ABCA4: variants seen among roughly 807,000 people sequenced by gnomAD.
ABCA4 encodes the protein retinal-specific phospholipid-transporting ATPase ABCA4.
In ABCA4, 196 loss-of-function variants were observed where a neutral mutation model predicts 263.7. That is an observed-to-expected ratio of 0.74 (90% confidence interval 0.66 to 0.84). The LOEUF (loss-of-function observed/expected upper bound fraction) is 0.84. ABCA4 is among the 40% of genes least tolerant of loss of function. The pLI is 0.00. For missense variants in ABCA4, 2,792 were observed against 2,855.1 expected, an observed-to-expected ratio of 0.98 and a Z score of 0.50; for synonymous variants, 1,133 against 1,094.2, an observed-to-expected ratio of 1.04 and a Z score of -0.70.
At chr1:94,000,510 G>C (rs4147868) in intron 47 of ABCA4, among the ~76,000 whole-genome samples, 19,371 of 152,168 alleles carry the variant, frequency 0.13, 2,068 homozygotes, top group African/African-American at 0.29. Context: ...CACAGGTCCC[G>C]GATCTGTTGA....
rs371455065 is a variant in ABCA4 at position 94,042,917 on chromosome 1, C to T, written c.3191-19G>A. The T allele has an allele frequency of 8.4e-5, 136 of 1,613,946 alleles. No individual in the cohort carries two copies. Among genetic ancestry groups the T allele is most frequent in the Middle Eastern group, 3.3e-4 (2 of 6,084 alleles). Reference sequence around the variant, plus strand: ...ATGCCACCTGGAGGCACAAGAAGGACGGGAGAGTTAAGGGGCTGTGGAGGG... The same window carrying T: ...ATGCCACCTGGAGGCACAAGAAGGATGGGAGAGTTAAGGGGCTGTGGAGGG... On this transcript the variant is annotated intron_variant, in intron 21 of 49. Coordinates refer to ENST00000370225, the MANE Select transcript of ABCA4 (RefSeq NM_000350.3).
chr1:94,005,222 A>T lies in ABCA4; in HGVS notation c.6147+219T>A, dbSNP rs72956573. Among the ~76,000 whole-genome samples the T allele has an allele frequency of 0.097, 14,790 of 152,272 alleles. 1,534 individuals are homozygous for T. The highest frequency in any genetic ancestry group is 0.26 in the African/African-American group (10,853 of 41,506). On this transcript the variant is annotated intron_variant, in intron 44 of 49. Transcript: ENST00000370225. Reference sequence around the variant, plus strand: ...GGATAAATGCATACAACATTTTGTTAGATATGAGAGTGGGGATTTTTTTTT... The same window carrying T: ...GGATAAATGCATACAACATTTTGTTTGATATGAGAGTGGGGATTTTTTTTT...
intron 23 of ABCA4, among the ~76,000 whole-genome samples, chr1:94,040,882 A>T (rs1485882149): frequency 6.6e-6 from 1 of 152,190 alleles, no homozygotes; most frequent in East Asian, 1.9e-4. Flanking sequence ...TGTTGAAATG[A>T]AGCTCAACCA....
chr1:94,007,614 A>C lies in ABCA4; in HGVS notation c.6005+20T>G. On this transcript the variant is annotated intron_variant, in intron 43 of 49. Coordinates refer to ENST00000370225, the MANE Select transcript of ABCA4 (RefSeq NM_000350.3). The stretch of plus-strand genomic sequence containing the variant: ...GGACCTGTGAGAGACTCCCTGAGAC[A>C]GGAGGAGCAGGATACTCACCTCTTG... 3 of 1,590,766 alleles carry C rather than the reference A, an allele frequency of 1.9e-6. No homozygotes were observed. Among genetic ancestry groups the C allele is most frequent in the Non-Finnish European group, 2.6e-6 (3 of 1,158,806 alleles).
intron 16 of ABCA4, 112 bp downstream of exon 16, chr1:94,054,999 A>G (rs757757196): frequency 2.3e-5 from 26 of 1,132,706 alleles, no homozygotes; most frequent in Non-Finnish European, 3.2e-5. Context: ...TAAACTTCAA[A>G]TGCTGGTTCT....
At chr1:94,046,770 A>G (rs1660696305) in intron 19 of ABCA4, 149 bp downstream of exon 19, 4 of 917,214 alleles carry the variant, frequency 4.4e-6, no homozygotes, top group African/African-American at 1.6e-5. Flanking sequence ...TGATCTTTGA[A>G]TACTGCAGAA....
intron 36 of ABCA4, 70 bp downstream of exon 36, chr1:94,019,512 C>A: frequency 6.6e-7 from 1 of 1,511,612 alleles, no homozygotes; most frequent in East Asian, 2.5e-5. Context: ...TTGGTCTGGT[C>A]CTTCAGAGCA....
At chr1:94,024,064 A>G (rs953750492) in intron 31 of ABCA4, among the ~76,000 whole-genome samples, 1 of 152,162 alleles carries the variant, frequency 6.6e-6, no homozygotes, top group Non-Finnish European at 1.5e-5. Flanking sequence ...TTCTGCTTTT[A>G]TTTTGGGGCT....
chr1:94,063,285 A>T lies in ABCA4; in HGVS notation c.1587T>A (p.Asn529Lys). 6.2e-7 allele frequency: 1 copy of T among 1,614,122 alleles called. No individual in the cohort carries two copies. Among genetic ancestry groups the T allele is most frequent in the Non-Finnish European group, 8.5e-7 (1 of 1,180,050 alleles). ...CACGTTGGGTGAGCTGAGTTTCATC[A>T]TTGTAGCTTTCAAACTTATCCAGGA... ...CLVLDKFESY[N>K]DETQLTQRAL... Residue 529 changes from asparagine to lysine, a missense_variant, in exon 12 of 50, where the codon AAT becomes AAA. Transcript: ENST00000370225.
chr1:94,058,461 A>C (rs1346992660), intron 14 of ABCA4, among the ~76,000 whole-genome samples: 1 of 152,222 alleles, frequency 6.6e-6, no homozygotes, highest in African/African-American at 2.4e-5. Flanking sequence ...TCCTGGGTTC[A>C]AGGGATTCTC....
intron 47 of ABCA4, among the ~76,000 whole-genome samples, chr1:93,999,031 A>G (rs1480951114): frequency 2.0e-5 from 3 of 148,592 alleles, no homozygotes; most frequent in Non-Finnish European, 4.4e-5. Context: ...GATTACAGGC[A>G]TGAGCCACCA....
chr1:94,097,722 C>T (rs1461059773), intron 6 of ABCA4, among the ~76,000 whole-genome samples: 1 of 152,106 alleles, frequency 6.6e-6, no homozygotes, highest in African/African-American at 2.4e-5. Flanking sequence ...CTTTTACCAA[C>T]TTCTCTGATG....
chr1:94,004,026 C>A (rs149753560), intron 44 of ABCA4, among the ~76,000 whole-genome samples: 6 of 152,236 alleles, frequency 3.9e-5, no homozygotes, highest in African/African-American at 1.2e-4. Flanking sequence ...AGCCCTGGAA[C>A]TTATCATTTA....
At chr1:94,034,873 G>A (rs1014562888) in intron 26 of ABCA4, among the ~76,000 whole-genome samples, 2 of 152,196 alleles carry the variant, frequency 1.3e-5, no homozygotes, top group Admixed American at 6.5e-5. Context: ...CTTAATCAGT[G>A]ATCGTATACT....
chr1:94,063,814 A>G (rs1661195300), intron 11 of ABCA4, among the ~76,000 whole-genome samples: 1 of 152,188 alleles, frequency 6.6e-6, no homozygotes, highest in African/African-American at 2.4e-5. Flanking sequence ...GGAGGAAGAG[A>G]GAAAATAACA....
At position 94,078,580 on chromosome 1, in the gene ABCA4, C is replaced by CG. The variant is rs4147887; in HGVS notation, c.1356+9_1356+10insC. On this transcript the variant is annotated intron_variant, in intron 10 of 49. Coordinates refer to ENST00000370225, the MANE Select transcript of ABCA4 (RefSeq NM_000350.3). ...CTCCCCTCCCCTCCCCATCCTCCAACCCCCCTTACTCTGATCATGTTCATC... is the reference window on the plus strand; with the variant it reads ...CTCCCCTCCCCTCCCCATCCTCCAACGCCCCCTTACTCTGATCATGTTCATC... 2 of 1,052,778 alleles carry CG rather than the reference C, an allele frequency of 1.9e-6. No homozygotes were observed. Among genetic ancestry groups the CG allele is most frequent in the Non-Finnish European group, 2.7e-6 (2 of 753,200 alleles). The allele number at this position is 1,052,778 out of a possible 1,614,324, so 65.2% of individuals were successfully genotyped here.
intron 1 of ABCA4, among the ~76,000 whole-genome samples, chr1:94,116,153 C>A (rs1408759420): frequency 3.3e-5 from 5 of 152,232 alleles, no homozygotes. Flanking sequence ...GGCCTCCTCT[C>A]AGGAGTAGGG....
chr1:94,102,202 G>T (rs1324694561), intron 5 of ABCA4, among the ~76,000 whole-genome samples: 1 of 152,152 alleles, frequency 6.6e-6, no homozygotes, highest in African/African-American at 2.4e-5. Context: ...ATAAATAGAG[G>T]AGATTATTTA....
intron 3 of ABCA4, among the ~76,000 whole-genome samples, chr1:94,110,903 A>AG: frequency 6.6e-6 from 1 of 152,310 alleles, no homozygotes; most frequent in South Asian, 2.1e-4. Context: ...TCACCACTCC[A>AG]GGGGGCCGAT....
Sources: gnomAD v4.1 joint callset for allele counts (sites outside exome capture counted in the v4.1 genomes callset) on GRCh38, gnomAD v4.1.1 for gene constraint, MANE v1.5 for transcripts, NCBI Gene and HGNC (gene_info 2026-07-23, HGNC 2026-07-21) for gene names.